NF1: variants seen among roughly 807,000 people sequenced by gnomAD.
NF1 encodes the protein neurofibromin 1.
Under a neutral mutation model 325.7 loss-of-function variants are expected in NF1, and 122 were observed. The observed-to-expected ratio is 0.37, with a 90% CI of 0.32 to 0.44. The LOEUF (loss-of-function observed/expected upper bound fraction) is 0.44, where lower values mean the gene tolerates loss of function less well. Ranked by LOEUF, NF1 falls within the 20% of genes least tolerant of loss-of-function variation. NF1 has a pLI of 1.00. For synonymous variants in NF1, 1,091 were observed against 1,186.0 expected, an observed-to-expected ratio of 0.92 and a Z score of 1.65; for missense variants, 2,140 against 3,415.4, an observed-to-expected ratio of 0.63 and a Z score of 9.31.
intron 16 of NF1, 56 bp downstream of exon 16, chr17:31,223,623 G>A (rs2144018202): frequency 6.4e-7 from 1 of 1,558,616 alleles, no homozygotes; most frequent in Non-Finnish European, 8.8e-7. Context: ...GTAATGGTGA[G>A]AGATTACTAA....
chr17:31,180,734 A>G (rs2066113565), intron 5 of NF1, among the ~76,000 whole-genome samples: 1 of 152,224 alleles, frequency 6.6e-6, no homozygotes, highest in Admixed American at 6.5e-5. Flanking sequence ...TAATATTGGA[A>G]GTTCTGGCCA....
chr17:31,363,734 CA>C (rs201674373), intron 57 of NF1, among the ~76,000 whole-genome samples: 2,064 of 143,166 alleles, frequency 0.014, 35 homozygotes, highest in African/African-American at 0.031. Flanking sequence ...CTGCGCCCAG[CA>C]TTTTTTTTTT....
chr17:31,104,933 C>T (rs946987719), intron 1 of NF1, among the ~76,000 whole-genome samples: 23 of 152,180 alleles, frequency 1.5e-4, no homozygotes, highest in Admixed American at 5.9e-4. Context: ...GAAGTGAGGT[C>T]TCTCTTTGTT....
chr17:31,302,123 A>C lies in NF1; in HGVS notation c.4836-23697A>C, dbSNP rs1018841774. On this transcript the variant is annotated intron_variant, in intron 36 of 57. Coordinates refer to ENST00000358273, the MANE Select transcript of NF1 (RefSeq NM_001042492.3). ...ATGTGAATTATTCTTCCCCCAGCAAAGAATTTCTTTAAAAAAAATAAAAGG... is the reference window on the plus strand; with the variant it reads ...ATGTGAATTATTCTTCCCCCAGCAACGAATTTCTTTAAAAAAAATAAAAGG... Among the ~76,000 whole-genome samples the C allele has an allele frequency of 5.9e-5, 9 of 152,240 alleles. 1 individual carries two copies. Among genetic ancestry groups the C allele is most frequent in the African/African-American group, 1.9e-4 (8 of 41,510 alleles).
At chr17:31,318,282 G>T (rs764607493) in intron 36 of NF1, 1 of 1,583,728 alleles carries the variant, frequency 6.3e-7, no homozygotes, top group Non-Finnish European at 8.6e-7. Flanking sequence ...CCTTCTCATT[G>T]CTACTTTGCA....
chr17:31,166,901 C>T (rs1407371373), intron 4 of NF1, among the ~76,000 whole-genome samples: 1 of 152,124 alleles, frequency 6.6e-6, no homozygotes, highest in African/African-American at 2.4e-5. Flanking sequence ...TACTTGTGCA[C>T]TTAACTCTCT....
chr17:31,245,395 T>C (rs964425066), intron 29 of NF1, among the ~76,000 whole-genome samples: 1 of 152,184 alleles, frequency 6.6e-6, no homozygotes, highest in African/African-American at 2.4e-5. Flanking sequence ...CAGGTGTCCT[T>C]GTGATTCAGT....
chr17:31,172,183 T>C (rs1484809509), intron 5 of NF1, among the ~76,000 whole-genome samples: 2 of 152,014 alleles, frequency 1.3e-5, no homozygotes, highest in African/African-American at 4.8e-5. Flanking sequence ...AAAAATTAGC[T>C]GGGTGTGCTG....
chr17:31,337,802 A>C lies in NF1; in HGVS notation c.6643-17A>C. On this transcript the variant is annotated splice_polypyrimidine_tract_variant and intron_variant, in intron 43 of 57. Coordinates refer to ENST00000358273, the MANE Select transcript of NF1 (RefSeq NM_001042492.3). ...ACATTTATGTACAATATGTATTCAG[A>C]GTATCCCCTTTTTTAGGCATGCATG... is the stretch of plus-strand genomic sequence containing the variant. 6.2e-7 allele frequency: 1 copy of C among 1,612,532 alleles called. No individual in the cohort carries two copies. The highest frequency in any genetic ancestry group is 8.5e-7 in the Non-Finnish European group (1 of 1,178,674).
Position 31,150,749 on chromosome 17 carries a change from C to T in NF1, c.61-5234C>T, listed in dbSNP as rs143298785. Among the ~76,000 whole-genome samples, 534 of 152,080 alleles carry T rather than the reference C, an allele frequency of 3.5e-3. 4 individuals are homozygous for T. Among genetic ancestry groups the T allele is most frequent in the African/African-American group, 0.012 (497 of 41,490 alleles). On this transcript the variant is annotated intron_variant, in intron 1 of 57. Coordinates refer to ENST00000358273, the MANE Select transcript of NF1 (RefSeq NM_001042492.3). ...TCTTTTAGAAAACACAGTGATGCTC[C>T]GGCTGGGCACGGTGGCTCACGCCTG...
chr17:31,311,752 G>A (rs991675674), intron 36 of NF1, among the ~76,000 whole-genome samples: 2 of 152,200 alleles, frequency 1.3e-5, no homozygotes, highest in African/African-American at 4.8e-5. Context: ...GCTCTAAGTA[G>A]TGGCACTAAT....
chr17:31,356,728 C>T, intron 52 of NF1, 146 bp downstream of exon 52: 3 of 1,245,876 alleles, frequency 2.4e-6, no homozygotes, highest in Non-Finnish European at 3.4e-6. Flanking sequence ...CTCTACCATT[C>T]AAGACAGTTA....
intron 36 of NF1, among the ~76,000 whole-genome samples, chr17:31,316,131 C>T (rs966629833): frequency 2.6e-5 from 4 of 152,104 alleles, no homozygotes; most frequent in African/African-American, 9.7e-5. Context: ...AAACTCCTGG[C>T]CTCAGGTGAT....
intron 36 of NF1, chr17:31,314,203 T>C: frequency 5.2e-6 from 2 of 385,564 alleles, no homozygotes; most frequent in Non-Finnish European, 9.2e-6. Flanking sequence ...ACAGAACTTA[T>C]TTTGAAATAC....
At chr17:31,180,457 A>G (rs551757801) in intron 5 of NF1, among the ~76,000 whole-genome samples, 2 of 152,346 alleles carry the variant, frequency 1.3e-5, no homozygotes, top group African/African-American at 4.8e-5. Flanking sequence ...AAATCAATGA[A>G]AGTAATCCAT....
intron 42 of NF1, 91 bp from the exon 43 acceptor site, chr17:31,337,277 T>G (rs1379932065): frequency 9.4e-7 from 1 of 1,059,194 alleles, no homozygotes; most frequent in East Asian, 2.6e-5. Context: ...TATATGGTAT[T>G]CAAATTTTCT....
intron 20 of NF1, among the ~76,000 whole-genome samples, chr17:31,228,771 GTTTCCAAGGTTCATCCA>G (rs1259729930): frequency 6.6e-6 from 1 of 152,122 alleles, no homozygotes; most frequent in African/African-American, 2.4e-5. Flanking sequence ...TTAGCATGAT[GTTTCCAAGGTTCATCCA>G]TGTGAAATCA....
At chr17:31,212,686 G>C (rs2066749453) in intron 12 of NF1, among the ~76,000 whole-genome samples, 2 of 152,058 alleles carry the variant, frequency 1.3e-5, no homozygotes, top group Non-Finnish European at 2.9e-5. Context: ...CTCCAGCCTG[G>C]GCAACAAAGT....
chr17:31,361,966 C>CT (rs1460311982), intron 57 of NF1, among the ~76,000 whole-genome samples: 1 of 152,144 alleles, frequency 6.6e-6, no homozygotes, highest in Non-Finnish European at 1.5e-5. Context: ...AGAAGTCTAA[C>CT]TTTTTTTCCC....
Sources: gnomAD v4.1 joint callset for allele counts (sites outside exome capture counted in the v4.1 genomes callset) on GRCh38, gnomAD v4.1.1 for gene constraint, MANE v1.5 for transcripts, NCBI Gene and HGNC (gene_info 2026-07-23, HGNC 2026-07-21) for gene names.